Variants in COPS7B observed in about 807,000 individuals in gnomAD.
The protein encoded by COPS7B is COP9 signalosome complex subunit 7b.
A neutral mutation model predicts 33.4 loss-of-function variants in COPS7B; 9 were observed. The ratio of observed to expected loss-of-function variants is 0.27; its 90% CI spans 0.16 to 0.47. COPS7B has a LOEUF of 0.47. COPS7B is among the 20% of genes least tolerant of loss of function. The pLI, the probability that COPS7B is intolerant of heterozygous loss-of-function variation, is 0.99. For synonymous variants in COPS7B, 119 were observed against 126.3 expected, an observed-to-expected ratio of 0.94 and a Z score of 0.39; for missense variants, 242 against 318.2, an observed-to-expected ratio of 0.76 and a Z score of 1.82.
upstream of COPS7B, among the ~76,000 whole-genome samples, chr2:231,784,641 C>G (rs144137007): frequency 5.9e-5 from 9 of 152,270 alleles, no homozygotes; most frequent in East Asian, 1.7e-3. Flanking sequence ...CTTCCATAGC[C>G]CTGTTCACTT....
upstream of COPS7B, among the ~76,000 whole-genome samples, chr2:231,783,745 G>A (rs2049178831): frequency 6.6e-6 from 1 of 152,036 alleles, no homozygotes; most frequent in African/African-American, 2.4e-5. Flanking sequence ...ATTTTTGAGG[G>A]ATGGGGTCTC....
chr2:231,805,446 T>A (rs966867846), intron 6 of COPS7B, among the ~76,000 whole-genome samples: 33 of 138,742 alleles, frequency 2.4e-4, no homozygotes, highest in Non-Finnish European at 4.3e-4. Flanking sequence ...TTTTTAAATT[T>A]TATATATATA....
chr2:231,800,086 A>G (rs1264556479), intron 6 of COPS7B, among the ~76,000 whole-genome samples: 1 of 152,086 alleles, frequency 6.6e-6, no homozygotes, highest in Non-Finnish European at 1.5e-5. Context: ...CCCTATATAC[A>G]TATACTCTGT....
At position 231,796,170 on chromosome 2, in the gene COPS7B, T is replaced by G; in HGVS notation, c.392T>G (p.Leu131Arg). 6.2e-7 allele frequency: 1 copy of G among 1,614,110 alleles called. No homozygotes were observed. Among genetic ancestry groups the G allele is most frequent in the Non-Finnish European group, 8.5e-7 (1 of 1,179,988 alleles). Residue 131 changes from leucine (L) to arginine (R), a missense_variant, in exon 5 of 7, where the codon CTT becomes CGT. By Grantham distance (102) the Leu-to-Arg change is moderately radical. Coordinates refer to ENST00000350033, the MANE Select transcript of COPS7B (RefSeq NM_022730.4). ...EMRNLRELED[L>R]IIEAVYTDII... ...CGGAATCTCCGGGAACTAGAAGACC[T>G]TATCATTGAGGCTGTCTACACTGAC...
intron 6 of COPS7B, among the ~76,000 whole-genome samples, chr2:231,806,135 A>T (rs1308573947): frequency 1.3e-5 from 2 of 152,058 alleles, no homozygotes; most frequent in African/African-American, 2.4e-5. Flanking sequence ...TCCTCCAGGA[A>T]CCCAATTTTT....
chr2:231,799,532 G>A (rs1339636843), intron 6 of COPS7B, among the ~76,000 whole-genome samples: 1 of 152,220 alleles, frequency 6.6e-6, no homozygotes, highest in Non-Finnish European at 1.5e-5. Flanking sequence ...GAAGTAAAGA[G>A]GATGTAAGTG....
intron 6 of COPS7B, among the ~76,000 whole-genome samples, chr2:231,800,868 C>G (rs775921744): frequency 6.6e-6 from 1 of 152,240 alleles, no homozygotes; most frequent in Non-Finnish European, 1.5e-5. Context: ...GTTCCCTGAG[C>G]ATGGCCAAAG....
upstream of COPS7B, among the ~76,000 whole-genome samples, chr2:231,782,195 G>C (rs2049147068): frequency 6.6e-6 from 1 of 152,198 alleles, no homozygotes; most frequent in Admixed American, 6.5e-5. Context: ...CGGCTGACTT[G>C]CAGTCTGGAC....
chr2:231,803,247 C>G (rs1043544793), intron 6 of COPS7B, among the ~76,000 whole-genome samples: 1 of 152,098 alleles, frequency 6.6e-6, no homozygotes, highest in Non-Finnish European at 1.5e-5. Context: ...GCTCAACTCT[C>G]CAGGCAGGAT....
intron 2 of COPS7B, chr2:231,789,656 A>G (rs1197594915): frequency 6.6e-6 from 1 of 152,522 alleles, no homozygotes; most frequent in Non-Finnish European, 1.5e-5. Flanking sequence ...CGATTTGCAT[A>G]TAGGAGGTGG....
At chr2:231,788,886 A>C in intron 2 of COPS7B, 154 bp downstream of exon 2, 2 of 615,572 alleles carry the variant, frequency 3.2e-6, no homozygotes, top group Non-Finnish European at 5.5e-6. Context: ...GATTGAGAGA[A>C]TATCCTTGGC....
At chr2:231,783,076 C>G (rs900365295), upstream of COPS7B, among the ~76,000 whole-genome samples, 2 of 152,000 alleles carry the variant, frequency 1.3e-5, no homozygotes, top group African/African-American at 4.8e-5. Context: ...ATGTGTCTGG[C>G]TTTTTTACTT....
At chr2:231,791,912 C>T (rs2049428117) in intron 3 of COPS7B, 104 bp downstream of exon 3, 3 of 998,716 alleles carry the variant, frequency 3.0e-6, no homozygotes, top group Non-Finnish European at 4.8e-6. Flanking sequence ...GGGGAGACTT[C>T]TTGACCTGGC....
intron 1 of COPS7B, among the ~76,000 whole-genome samples, chr2:231,787,645 T>C (rs576005716): frequency 6.6e-6 from 1 of 152,264 alleles, no homozygotes; most frequent in Non-Finnish European, 1.5e-5. Context: ...AATACAGGGA[T>C]TTTTCCCCAT....
chr2:231,788,470 A>T, intron 1 of COPS7B, 85 bp from the exon 2 acceptor site: 1 of 1,240,486 alleles, frequency 8.1e-7, no homozygotes, highest in South Asian at 1.4e-5. Context: ...AAAGTAAAGT[A>T]TTCTGGTGTT....
At chr2:231,804,900 G>A (rs11886644) in intron 6 of COPS7B, among the ~76,000 whole-genome samples, 26,454 of 152,066 alleles carry the variant, frequency 0.17, 2,756 homozygotes, top group Non-Finnish European at 0.23. Flanking sequence ...AAGTCATGTC[G>A]TTACCTCTTA....
chr2:231,799,728 G>T (rs1409312197), intron 6 of COPS7B, among the ~76,000 whole-genome samples: 1 of 152,170 alleles, frequency 6.6e-6, no homozygotes, highest in Non-Finnish European at 1.5e-5. Flanking sequence ...AGTGTGAATG[G>T]AGTTTGAAGT....
At chr2:231,786,394 G>A (rs940383180), upstream of COPS7B, 1 of 962,272 alleles carries the variant, frequency 1.0e-6, no homozygotes, top group African/African-American at 1.8e-5. Context: ...GCGGTGGGAG[G>A]CTTCCGGGGG....
At chr2:231,797,279 A>T (rs1438744105) in intron 5 of COPS7B, among the ~76,000 whole-genome samples, 2 of 152,110 alleles carry the variant, frequency 1.3e-5, no homozygotes, top group African/African-American at 4.8e-5. Context: ...CACTTCAGCT[A>T]CTTTTACACC....
Sources: allele counts gnomAD v4.1 joint callset (sites outside exome capture counted in the v4.1 genomes callset), GRCh38; gene constraint gnomAD v4.1.1; transcripts MANE v1.5; gene names NCBI Gene and HGNC (gene_info 2026-07-23, HGNC 2026-07-21).